ELP4: variants seen among roughly 807,000 people sequenced by gnomAD.
The protein encoded by ELP4 is elongator acetyltransferase complex subunit 4.
Under a neutral mutation model 48.9 loss-of-function variants are expected in ELP4, and 51 were observed. The observed-to-expected ratio is 1.04, with a 90% confidence interval of 0.83 to 1.32. The LOEUF (loss-of-function observed/expected upper bound fraction) is 1.32. Ranked by LOEUF, ELP4 falls within the 40% of genes most tolerant of loss-of-function variation. The probability of loss-of-function intolerance (pLI) is 0.00; values close to 1 mark genes in which losing one functional copy is unlikely to be tolerated. For missense variants in ELP4, 519 were observed against 514.6 expected (o/e 1.01, Z -0.08); for synonymous variants, 210 against 189.2 (o/e 1.11, Z -0.90).
chr11:31,597,729 G>A (rs1346319592), intron 4 of ELP4, among the ~76,000 whole-genome samples: 3 of 150,024 alleles, frequency 2.0e-5, no homozygotes, highest in South Asian at 2.1e-4. Context: ...CCACCACCAC[G>A]CCAGGCTAGC....
intron 9 of ELP4, among the ~76,000 whole-genome samples, chr11:31,696,783 A>T (rs1946417644): frequency 6.6e-6 from 1 of 152,190 alleles, no homozygotes; most frequent in Admixed American, 6.6e-5. Flanking sequence ...TAACATCATA[A>T]TGACAGGATC....
chr11:31,614,636 TAATC>T (rs2134017702), intron 5 of ELP4, among the ~76,000 whole-genome samples: 1 of 152,300 alleles, frequency 6.6e-6, no homozygotes, highest in South Asian at 2.1e-4. Context: ...AGAATTGCCT[TAATC>T]AAGTTAACAT....
At chr11:31,593,109 G>C (rs1001911811) in intron 3 of ELP4, among the ~76,000 whole-genome samples, 2 of 152,146 alleles carry the variant, frequency 1.3e-5, no homozygotes, top group African/African-American at 4.8e-5. Context: ...ACAATTGTTT[G>C]ACTGACTTCT....
At chr11:31,639,302 T>C (rs551340622) in intron 7 of ELP4, among the ~76,000 whole-genome samples, 2 of 152,076 alleles carry the variant, frequency 1.3e-5, no homozygotes, top group East Asian at 3.9e-4. Context: ...TAAATTATAT[T>C]ATATCCATTT....
chr11:31,745,161 T>C (rs905777949), intron 9 of ELP4, among the ~76,000 whole-genome samples: 40 of 152,104 alleles, frequency 2.6e-4, no homozygotes, highest in African/African-American at 9.6e-4. Flanking sequence ...GAGAATAAAA[T>C]ACCTAGGAAT....
intron 3 of ELP4, among the ~76,000 whole-genome samples, chr11:31,582,555 C>T (rs1957409042): frequency 6.6e-6 from 1 of 151,948 alleles, no homozygotes; most frequent in African/African-American, 2.4e-5. Flanking sequence ...TTTTCTGCTC[C>T]TGGCATTGTT....
At chr11:31,610,974 C>T (rs1431242320) in intron 5 of ELP4, among the ~76,000 whole-genome samples, 1 of 152,178 alleles carries the variant, frequency 6.6e-6, no homozygotes, top group East Asian at 1.9e-4. Context: ...CATGTCCTGT[C>T]AACTGTGTCT....
intron 1 of ELP4, 80 bp downstream of exon 1, chr11:31,510,087 A>C: frequency 7.4e-7 from 1 of 1,347,380 alleles, no homozygotes; most frequent in Non-Finnish European, 1.0e-6. Flanking sequence ...CTTTGACCCC[A>C]CATCTCTTTC....
At chr11:31,561,513 C>T (rs1957024511) in intron 3 of ELP4, among the ~76,000 whole-genome samples, 1 of 152,118 alleles carries the variant, frequency 6.6e-6, no homozygotes, top group South Asian at 2.1e-4. Context: ...GCAATCGCAG[C>T]TCACTGTACC....
chr11:31,554,430 T>C (rs1211912247), intron 3 of ELP4, among the ~76,000 whole-genome samples: 2 of 151,584 alleles, frequency 1.3e-5, no homozygotes, highest in South Asian at 2.1e-4. Flanking sequence ...AATTGATGAA[T>C]AGAAATTTAT....
intron 9 of ELP4, among the ~76,000 whole-genome samples, chr11:31,733,150 C>A (rs951237466): frequency 1.5e-4 from 23 of 152,080 alleles, no homozygotes; most frequent in Non-Finnish European, 2.9e-5. Context: ...AAACAGATCA[C>A]AAGTTAGGTC....
At chr11:31,757,940 T>C (rs1947865740) in intron 9 of ELP4, among the ~76,000 whole-genome samples, 1 of 152,230 alleles carries the variant, frequency 6.6e-6, no homozygotes, top group African/African-American at 2.4e-5. Flanking sequence ...TGGAATAGTG[T>C]CTGTCATTTC....
intron 9 of ELP4, among the ~76,000 whole-genome samples, chr11:31,684,961 T>C (rs182836753): frequency 6.6e-6 from 1 of 152,336 alleles, no homozygotes; most frequent in East Asian, 1.9e-4. Flanking sequence ...TAAAATGATT[T>C]CAATATATGT....
intron 5 of ELP4, among the ~76,000 whole-genome samples, chr11:31,620,779 A>G (rs1367536993): frequency 6.6e-6 from 1 of 151,962 alleles, no homozygotes; most frequent in Non-Finnish European, 1.5e-5. Context: ...CAGAACCTGC[A>G]TTGCTTAGAC....
intron 9 of ELP4, among the ~76,000 whole-genome samples, chr11:31,760,111 T>A (rs765627417): frequency 7.9e-5 from 12 of 152,362 alleles, no homozygotes; most frequent in Non-Finnish European, 1.3e-4. Context: ...TATATACTTT[T>A]ATGTCCACCT....
intron 9 of ELP4, chr11:31,779,585 C>T (rs1019990259): frequency 1.3e-5 from 2 of 152,282 alleles, no homozygotes; most frequent in East Asian, 3.9e-4. Flanking sequence ...AGCCTCAGAG[C>T]AAATCACTTC....
chr11:31,633,894 T>C (rs183313530), intron 7 of ELP4: 3 of 152,180 alleles, frequency 2.0e-5, no homozygotes, highest in Admixed American at 2.0e-4. Flanking sequence ...TTTTTACCTC[T>C]GTTTCCATAG....
intron 9 of ELP4, among the ~76,000 whole-genome samples, chr11:31,743,957 GT>G (rs1450574841): frequency 6.6e-6 from 1 of 152,086 alleles, no homozygotes; most frequent in Non-Finnish European, 1.5e-5. Flanking sequence ...CCAGGAGCTG[GT>G]TTTTTGAAAA....
At chr11:31,762,316 A>G (rs1418985042) in intron 9 of ELP4, among the ~76,000 whole-genome samples, 3 of 152,224 alleles carry the variant, frequency 2.0e-5, no homozygotes, top group Non-Finnish European at 4.4e-5. Context: ...TCTTCACAAC[A>G]AAGTTTATTT....
Sources: gnomAD v4.1 joint callset for allele counts (sites outside exome capture counted in the v4.1 genomes callset) on GRCh38, gnomAD v4.1.1 for gene constraint, MANE v1.5 for transcripts, NCBI Gene and HGNC (gene_info 2026-07-23, HGNC 2026-07-21) for gene names.